Variants in SMC1B observed in about 807,000 individuals in gnomAD.
The protein encoded by SMC1B is structural maintenance of chromosomes 1B, also known as structural maintenance of chromosomes protein 1B.
In SMC1B, 60 loss-of-function variants were observed where a neutral mutation model predicts 157.9. The ratio of observed to expected loss-of-function variants is 0.38; its 90% CI spans 0.31 to 0.47. The LOEUF is 0.47. Ranked by LOEUF, SMC1B falls within the 20% of genes least tolerant of loss-of-function variation. The pLI, the probability that SMC1B is intolerant of heterozygous loss-of-function variation, is 0.99. For missense variants in SMC1B, 1,165 were observed against 1,426.2 expected, an observed-to-expected ratio of 0.82 and a Z score of 2.95; for synonymous variants, 445 against 483.0, an observed-to-expected ratio of 0.92 and a Z score of 1.03.
At chr22:45,412,678 G>A (rs1054632052) in intron 1 of SMC1B, among the ~76,000 whole-genome samples, 1 of 151,818 alleles carries the variant, frequency 6.6e-6, no homozygotes, top group Non-Finnish European at 1.5e-5. Flanking sequence ...AGCTAATTTT[G>A]GTATTATTAG....
intron 23 of SMC1B, among the ~76,000 whole-genome samples, chr22:45,347,539 A>C (rs115007402): frequency 0.011 from 1,602 of 152,286 alleles, 26 homozygotes; most frequent in African/African-American, 0.037. Context: ...GACTGAAAAC[A>C]TCTCTCAGCC....
intron 12 of SMC1B, 80 bp downstream of exon 12, chr22:45,383,382 GGCACT>G: frequency 1.1e-6 from 1 of 895,380 alleles, no homozygotes; most frequent in Non-Finnish European, 1.6e-6. Flanking sequence ...CTATAGAATT[GGCACT>G]GTTATTATAA....
chr22:45,402,355 GTAGTTGTC>G lies in SMC1B; in HGVS notation c.824_831del (p.Arg275ThrfsTer11). 6.2e-7 allele frequency: 1 copy of G among 1,610,980 alleles called. No individual in the cohort carries two copies. The highest frequency in any genetic ancestry group is 8.5e-7 in the Non-Finnish European group (1 of 1,178,616). On this transcript the variant is annotated frameshift_variant, in exon 5 of 25. Transcript: ENST00000357450. LOFTEE classifies it high-confidence loss of function. ...CACTTTAATTCTTTTTCTGTTTGTT[GTAGTTGTC>G]TAGTTAGCATTCCATGTTCCTTTTT... is the stretch of plus-strand genomic sequence containing the variant.
At chr22:45,356,727 C>CTTTTTTT (rs1174032906) in intron 19 of SMC1B, among the ~76,000 whole-genome samples, 8 of 126,430 alleles carry the variant, frequency 6.3e-5, no homozygotes, top group South Asian at 2.6e-4. Flanking sequence ...TTTTTCTTTT[C>CTTTTTTT]TTTTTTTTTT....
chr22:45,345,627 GAGACAGTAATTCTGC>G, intron 23 of SMC1B, 58 bp from the exon 24 acceptor site: 2 of 1,051,930 alleles, frequency 1.9e-6, no homozygotes, highest in South Asian at 2.5e-5. Context: ...CTGGGCTCTG[GAGACAGTAATTCTGC>G]ATGTCTCTGA....
Position 45,413,574 on chromosome 22 carries a change from G to A in SMC1B, c.-7C>T, listed in dbSNP as rs530349601. 207 of 1,592,514 alleles carry A rather than the reference G, an allele frequency of 1.3e-4. No individual in the cohort carries two copies. The highest frequency in any genetic ancestry group is 1.7e-4 in the Non-Finnish European group (201 of 1,169,228). On this transcript the variant is annotated 5_prime_UTR_variant, in exon 1 of 25. Transcript: ENST00000357450. ...GCAGCTCCAGGTGGGCCATGGCGCC[G>A]CCCTCCACGCCTCACCCGCGTTATC...
At chr22:45,375,603 T>A (rs936264019) in intron 12 of SMC1B, among the ~76,000 whole-genome samples, 5 of 152,340 alleles carry the variant, frequency 3.3e-5, no homozygotes, top group Middle Eastern at 6.8e-3. Context: ...TAAGAGCTAT[T>A]TATTTTATTT....
chr22:45,405,862 A>G (rs1445564185), intron 4 of SMC1B, among the ~76,000 whole-genome samples: 4 of 152,342 alleles, frequency 2.6e-5, no homozygotes, highest in African/African-American at 2.4e-5. Context: ...AGGCCTTAGC[A>G]TAAGTAAGAT....
chr22:45,411,247 A>G (rs1339883451), intron 1 of SMC1B, among the ~76,000 whole-genome samples: 3 of 152,240 alleles, frequency 2.0e-5, no homozygotes, highest in African/African-American at 7.2e-5. Context: ...GTGAAATATT[A>G]TTTGAAAATA....
At chr22:45,350,198 C>A (rs1241773750) in intron 22 of SMC1B, among the ~76,000 whole-genome samples, 1 of 152,046 alleles carries the variant, frequency 6.6e-6, no homozygotes, top group African/African-American at 2.4e-5. Context: ...TAAATACCAC[C>A]CAAATACTGA....
chr22:45,353,922 A>AAAAAAAAAAAAC, intron 21 of SMC1B, 56 bp downstream of exon 21: 1 of 1,033,200 alleles, frequency 9.7e-7, no homozygotes, highest in East Asian at 2.9e-5. Flanking sequence ...AAAAAAAAAC[A>AAAAAAAAAAAAC]ACCACCACCG....
At position 45,383,745 on chromosome 22, in the gene SMC1B, ATCTAGTT is replaced by A. The variant is rs2086962385; in HGVS notation, c.1912-139_1912-133del. 9.9e-6 allele frequency: 7 copies of A among 709,536 alleles called. 1 individual carries two copies. In the South Asian group the frequency reaches 1.8e-4, roughly 18 times the overall value. 44.0% of individuals were successfully genotyped at this position (709,536 alleles called of 1,614,324 possible). On this transcript the variant is annotated intron_variant, in intron 11 of 24. Coordinates refer to ENST00000357450, the MANE Select transcript of SMC1B (RefSeq NM_148674.5). Reference sequence around the variant, plus strand: ...ACTTACTGAACTTTACTAATAAAATATCTAGTTTATGAAGAGACCCCAAACAATAAAC... The same window carrying A: ...ACTTACTGAACTTTACTAATAAAATATATGAAGAGACCCCAAACAATAAAC...
At chr22:45,351,789 C>T (rs1169747529) in intron 22 of SMC1B, among the ~76,000 whole-genome samples, 2 of 152,118 alleles carry the variant, frequency 1.3e-5, no homozygotes, top group Non-Finnish European at 2.9e-5. Context: ...AGATCTTCAT[C>T]TAATGTTCTG....
intron 24 of SMC1B, 152 bp from the exon 25 acceptor site, chr22:45,344,809 G>T: frequency 2.0e-6 from 1 of 509,754 alleles, no homozygotes. Context: ...GGGTTTTTTT[G>T]GTATTATCTG....
chr22:45,396,977 A>G (rs2087132074), intron 6 of SMC1B, among the ~76,000 whole-genome samples: 1 of 152,198 alleles, frequency 6.6e-6, no homozygotes, highest in South Asian at 2.1e-4. Context: ...ATTATAATAA[A>G]TCACTAGATG....
rs1190620815 is a variant in SMC1B, at chr22:45,406,740, T to C, written c.411+13A>G. ...CAAAACTCTGAATCAAATAAACTAC[T>C]ATAGCTACTTACCTGAAAAACCAAA... On this transcript the variant is annotated intron_variant, in intron 3 of 24. Transcript: ENST00000357450. 1 of 1,584,792 alleles carries C rather than the reference T, an allele frequency of 6.3e-7. No individual in the cohort carries two copies.
At chr22:45,406,320 T>G (rs1229866681) in intron 4 of SMC1B, 140 bp downstream of exon 4, 1 of 667,732 alleles carries the variant, frequency 1.5e-6, no homozygotes, top group African/African-American at 1.9e-5. Flanking sequence ...ATCAAAAAGT[T>G]TATCTTAATG....
rs370524975 is a variant in SMC1B at position 45,406,540 on chromosome 22, C to T, written c.535G>A (p.Glu179Lys). ...TTAAAGTTAAACTGTGCATCCTCTTCGGCTTTTTGTAACTTTCTTTTCTTT... is the reference window on the plus strand; with the variant it reads ...TTAAAGTTAAACTGTGCATCCTCTTTGGCTTTTTGTAACTTTCTTTTCTTT... ...EEKKRKLQKA[E>K]EDAQFNFNKK... The change falls in exon 4 of 25, where the codon GAA becomes AAA. Residue 179 changes from glutamate (E) to lysine (K), a missense_variant. Transcript: ENST00000357450. 60 of 1,613,004 alleles carry T rather than the reference C, an allele frequency of 3.7e-5. No homozygotes were observed. Among genetic ancestry groups the T allele is most frequent in the South Asian group, 6.6e-5 (6 of 90,972 alleles).
chr22:45,411,074 C>G (rs1254723499), intron 1 of SMC1B, among the ~76,000 whole-genome samples: 1 of 152,186 alleles, frequency 6.6e-6, no homozygotes, highest in Non-Finnish European at 1.5e-5. Flanking sequence ...AAAATAAATA[C>G]TTCTCATCCA....
Sources: allele counts gnomAD v4.1 joint callset (sites outside exome capture counted in the v4.1 genomes callset), GRCh38; gene constraint gnomAD v4.1.1; transcripts MANE v1.5; gene names NCBI Gene and HGNC (gene_info 2026-07-23, HGNC 2026-07-21).